FBXO33: variants seen among roughly 807,000 people sequenced by gnomAD.
The protein encoded by FBXO33 is F-box only protein 33.
In FBXO33, 22 loss-of-function variants were observed where a neutral mutation model predicts 46.3. That is an observed-to-expected ratio of 0.48 (90% confidence interval 0.34 to 0.68). The LOEUF (loss-of-function observed/expected upper bound fraction) is 0.68, where lower values mean the gene tolerates loss of function less well. Among genes scored for constraint, FBXO33 ranks in the 30% least tolerant of loss-of-function variants. The probability of loss-of-function intolerance (pLI) is 0.01; values close to 1 mark genes in which losing one functional copy is unlikely to be tolerated. For missense variants in FBXO33, 692 were observed against 708.8 expected (o/e 0.98, Z 0.27); for synonymous variants, 337 against 291.3 (o/e 1.16, Z -1.60).
At chr14:39,399,887 A>G (rs915130396) in intron 3 of FBXO33, 100 bp from the exon 4 acceptor site, 5 of 1,270,114 alleles carry the variant, frequency 3.9e-6, no homozygotes, top group African/African-American at 1.5e-5. Context: ...GAGAAGCTTC[A>G]AATTTGTATC....
intron 1 of FBXO33, among the ~76,000 whole-genome samples, chr14:39,404,128 C>T (rs1054978372): frequency 1.3e-5 from 2 of 152,090 alleles, no homozygotes; most frequent in African/African-American, 2.4e-5. Context: ...TAAAATTTAG[C>T]TTGAGGAATA....
chr14:39,412,109 C>A (rs1259852372), intron 1 of FBXO33, among the ~76,000 whole-genome samples: 1 of 152,142 alleles, frequency 6.6e-6, no homozygotes, highest in Non-Finnish European at 1.5e-5. Context: ...CCAGTGTTTC[C>A]TCACTGATTT....
chr14:39,409,882 G>C (rs761442515), intron 1 of FBXO33, among the ~76,000 whole-genome samples: 8 of 151,182 alleles, frequency 5.3e-5, no homozygotes, highest in Non-Finnish European at 1.2e-4. Context: ...ACTGATTTTT[G>C]TATGTTGGTT....
At chr14:39,411,680 G>A (rs1040461385) in intron 1 of FBXO33, among the ~76,000 whole-genome samples, 14 of 151,852 alleles carry the variant, frequency 9.2e-5, no homozygotes, top group Non-Finnish European at 1.8e-4. Context: ...ATGCCACCAT[G>A]CACAGATAAT....
At chr14:39,410,769 C>T (rs980239589) in intron 1 of FBXO33, among the ~76,000 whole-genome samples, 1 of 152,084 alleles carries the variant, frequency 6.6e-6, no homozygotes, top group Non-Finnish European at 1.5e-5. Context: ...GTTTATGTTT[C>T]TATGAATTTA....
chr14:39,425,989 C>G (rs1351264553), intron 1 of FBXO33, among the ~76,000 whole-genome samples: 1 of 152,140 alleles, frequency 6.6e-6, no homozygotes, highest in African/African-American at 2.4e-5. Context: ...TTTCCCAGAA[C>G]TTACAATTCC....
At chr14:39,407,905 A>G (rs2075406282) in intron 1 of FBXO33, among the ~76,000 whole-genome samples, 1 of 152,170 alleles carries the variant, frequency 6.6e-6, no homozygotes, top group Non-Finnish European at 1.5e-5. Flanking sequence ...CATTCCCACA[A>G]ACAGTTGTAT....
chr14:39,406,079 G>A (rs1367204747), intron 1 of FBXO33, among the ~76,000 whole-genome samples: 2 of 151,710 alleles, frequency 1.3e-5, no homozygotes, highest in East Asian at 3.9e-4. Context: ...AAGTATGTCT[G>A]CTTTTAAGGT....
intron 1 of FBXO33, among the ~76,000 whole-genome samples, chr14:39,411,647 C>T (rs35693868): frequency 0.27 from 40,348 of 151,720 alleles, 5,628 homozygotes; most frequent in East Asian, 0.51. Flanking sequence ...CTCAGCCTCC[C>T]GAGTAGCTGC....
At chr14:39,408,561 G>A (rs1205817260) in intron 1 of FBXO33, among the ~76,000 whole-genome samples, 1 of 151,788 alleles carries the variant, frequency 6.6e-6, no homozygotes, top group Non-Finnish European at 1.5e-5. Context: ...GGTCCAGGCT[G>A]GAGTGCAATA....
In FBXO33 at chr14:39,418,501, C is replaced by T. The variant is rs182248420; in HGVS notation, c.599+13063G>A. ...AAAAAATTAACAAACTGCAGCTGGG[C>T]GCAGTGGCTCAGGCCTGTAATCCCA... On this transcript the variant is annotated intron_variant, in intron 1 of 3. Coordinates refer to ENST00000298097, the MANE Select transcript of FBXO33 (RefSeq NM_203301.4). Among the ~76,000 whole-genome samples, 20 of 151,120 alleles carry T rather than the reference C, an allele frequency of 1.3e-4. No individual in the cohort carries two copies. The East Asian group carries it at 1.4e-3, about 10-fold the overall frequency.
At chr14:39,411,973 C>T (rs975739950) in intron 1 of FBXO33, among the ~76,000 whole-genome samples, 3 of 152,110 alleles carry the variant, frequency 2.0e-5, no homozygotes, top group African/African-American at 7.2e-5. Context: ...GTTTTGTAGC[C>T]TAACATGTGA....
intron 1 of FBXO33, among the ~76,000 whole-genome samples, chr14:39,423,892 G>T (rs539101174): frequency 6.6e-6 from 1 of 152,294 alleles, no homozygotes; most frequent in East Asian, 1.9e-4. Context: ...ACTGAGGTCT[G>T]AGGTAAAAAT....
At chr14:39,410,577 C>T (rs1238592561) in intron 1 of FBXO33, among the ~76,000 whole-genome samples, 3 of 152,220 alleles carry the variant, frequency 2.0e-5, no homozygotes, top group East Asian at 3.9e-4. Context: ...TCAACTTTTT[C>T]GAAGAGTTGA....
intron 2 of FBXO33, 46 bp downstream of exon 2, chr14:39,402,355 A>C: frequency 9.3e-7 from 1 of 1,074,726 alleles, no homozygotes; most frequent in Non-Finnish European, 1.3e-6. Flanking sequence ...TAGGAAAAAC[A>C]TATTATTAAT....
At chr14:39,420,408 G>A (rs1051045095) in intron 1 of FBXO33, among the ~76,000 whole-genome samples, 23 of 152,174 alleles carry the variant, frequency 1.5e-4, no homozygotes, top group Non-Finnish European at 2.9e-4. Flanking sequence ...AGAAGAAAGC[G>A]GCTGGGCGCC....
intron 1 of FBXO33, among the ~76,000 whole-genome samples, chr14:39,406,614 A>T (rs1220792459): frequency 6.6e-6 from 1 of 152,150 alleles, no homozygotes; most frequent in Non-Finnish European, 1.5e-5. Flanking sequence ...GAGACAAGAG[A>T]TTTTGGGGAG....
At chr14:39,402,699 T>C (rs2075374350) in intron 1 of FBXO33, among the ~76,000 whole-genome samples, 188 bp from the exon 2 acceptor site, 4 of 148,168 alleles carry the variant, frequency 2.7e-5, no homozygotes, top group South Asian at 2.1e-4. Context: ...TTTTTTTTTT[T>C]TGAGACGGAG....
chr14:39,417,472 G>A (rs1041796563), intron 1 of FBXO33, among the ~76,000 whole-genome samples: 1 of 152,170 alleles, frequency 6.6e-6, no homozygotes. Flanking sequence ...TATGTGGCTG[G>A]GTGCTACAAC....
Sources: allele counts gnomAD v4.1 joint callset (sites outside exome capture counted in the v4.1 genomes callset), GRCh38; gene constraint gnomAD v4.1.1; transcripts MANE v1.5; gene names NCBI Gene and HGNC (gene_info 2026-07-23, HGNC 2026-07-21).